KRTAP4-6: variants seen among roughly 807,000 people sequenced by gnomAD.
KRTAP4-6 encodes keratin-associated protein 4-6.
In KRTAP4-6, 1 loss-of-function variant was observed where a neutral mutation model predicts 3.6. That is an observed-to-expected ratio of 0.28 (90% CI 0.10 to 1.32). KRTAP4-6 has a LOEUF of 1.32. Ranked by LOEUF, KRTAP4-6 falls within the 40% of genes most tolerant of loss-of-function variation. The pLI is 0.45. For missense variants in KRTAP4-6, 275 were observed against 280.3 expected, an observed-to-expected ratio of 0.98 and a Z score of 0.14; for synonymous variants, 97 against 96.7, an observed-to-expected ratio of 1.00 and a Z score of -0.02.
At chr17:41,139,818 T>C in exon 1 of KRTAP4-6, 1 of 1,533,456 alleles carries the variant, frequency 6.5e-7, no homozygotes, top group Non-Finnish European at 8.8e-7. Context: ...GCACAAGGTC[T>C]GCTTCTGTGA....
rs531460922 is a variant in KRTAP4-6, at chr17:41,140,313, T to G, written c.175A>C (p.Thr59Pro). Residue 59 changes from threonine (T) to proline (P), a missense_variant, in exon 1 of 1, where the codon ACC becomes CCC. Coordinates refer to ENST00000345847, the Ensembl canonical transcript of KRTAP4-6. ...GGACAGCAGCTGGGACGGCAGCAGGTGGGCTGGCAGCACACAGACTGGCAG... is the reference window on the plus strand; with the variant it reads ...GGACAGCAGCTGGGACGGCAGCAGGGGGGCTGGCAGCACACAGACTGGCAG... The G allele has an allele frequency of 5.6e-6, 9 of 1,604,036 alleles. No homozygotes were observed. The African/African-American group carries it at 1.3e-4, about 23-fold the overall frequency.
exon 1 of KRTAP4-6, chr17:41,140,074 G>A (rs1420580748): frequency 7.7e-6 from 12 of 1,555,380 alleles, no homozygotes; most frequent in African/African-American, 2.7e-5. Context: ...GACGGCAGCA[G>A]GTTGGCTGGC....
exon 1 of KRTAP4-6, chr17:41,139,715 T>C: frequency 8.9e-7 from 1 of 1,120,526 alleles, no homozygotes; most frequent in Non-Finnish European, 1.3e-6. Flanking sequence ...ACATATATTC[T>C]AGATGTATAG....
chr17:41,140,059 G>C (rs766287088), exon 1 of KRTAP4-6: 1 of 1,602,162 alleles, frequency 6.2e-7, no homozygotes. Context: ...AGATGCAGCA[G>C]CTGGGACGGC....
exon 1 of KRTAP4-6, chr17:41,139,997 C>A (rs1479767197): frequency 6.3e-7 from 1 of 1,594,612 alleles, no homozygotes; most frequent in Admixed American, 1.7e-5. Flanking sequence ...GGGGCGGCAG[C>A]AGCACGGGCG....
At position 41,140,468 on chromosome 17, in the gene KRTAP4-6, C is replaced by G. The variant is rs766819864; in HGVS notation, c.20G>C (p.Gly7Ala). 6 of 1,613,382 alleles carry G rather than the reference C, an allele frequency of 3.7e-6. No individual in the cohort carries two copies. Among genetic ancestry groups the G allele is most frequent in the Admixed American group, 1.7e-5 (1 of 59,996 alleles). Residue 7 changes from glycine to alanine, a missense_variant, in exon 1 of 1, where the codon GGT becomes GCT. Transcript: ENST00000345847. ...ACAGCCCTGGTCAGAGCAGACGGAA[C>G]CACAACAGGAGCTGACCATGGTGTC...
At chr17:41,140,512 G>A (rs2014684155), upstream of KRTAP4-6, 1 of 1,592,876 alleles carries the variant, frequency 6.3e-7, no homozygotes, top group Non-Finnish European at 8.6e-7. Flanking sequence ...AAGGTTCTGG[G>A]TGGGTTTCCA....
exon 1 of KRTAP4-6, chr17:41,140,416 G>A: frequency 1.2e-6 from 2 of 1,613,992 alleles, no homozygotes; most frequent in Non-Finnish European, 1.7e-6. Flanking sequence ...TCTGACAGCA[G>A]CTGGGGCGGC....
exon 1 of KRTAP4-6, chr17:41,140,387 G>T (rs767923077): frequency 6.2e-7 from 1 of 1,613,628 alleles, no homozygotes; most frequent in African/African-American, 1.3e-5. Flanking sequence ...GCGGCAGCAG[G>T]TGGTCCTGCA....
exon 1 of KRTAP4-6, chr17:41,139,859 A>C (rs774942332): frequency 1.3e-4 from 206 of 1,565,554 alleles, no homozygotes; most frequent in Non-Finnish European, 1.7e-4. Flanking sequence ...AGATAGTTTC[A>C]GGCAAGGAGC....
At chr17:41,140,010 A>C in exon 1 of KRTAP4-6, 1 of 1,600,270 alleles carries the variant, frequency 6.2e-7, no homozygotes, top group Non-Finnish European at 8.6e-7. Context: ...CACGGGCGGC[A>C]GCAGCTGGAT....
chr17:41,139,630 G>T, exon 1 of KRTAP4-6: 3 of 662,000 alleles, frequency 4.5e-6, no homozygotes, highest in East Asian at 5.7e-5. Context: ...CAAATATAAG[G>T]TATAAAATTT....
chr17:41,139,798 T>A lies in KRTAP4-6; in HGVS notation c.*72A>T, dbSNP rs989481093. On this transcript the variant is annotated 3_prime_UTR_variant, in exon 1 of 1. Coordinates refer to ENST00000345847, the Ensembl canonical transcript of KRTAP4-6. ...GGTGGGAATGGCCTCTTCTGAGTTG[T>A]TTATGAGATGCACAAGGTCTGCTTC... 4.4e-5 allele frequency: 66 copies of A among 1,516,874 alleles called. No homozygotes were observed. In the African/African-American group the frequency reaches 8.3e-4, roughly 19 times the overall value. The allele number at this position is 1,516,874 out of a possible 1,614,324, so 94.0% of individuals were successfully genotyped here.
chr17:41,140,498 G>A (rs752348622), upstream of KRTAP4-6: 3 of 1,604,770 alleles, frequency 1.9e-6, no homozygotes, highest in East Asian at 4.5e-5. Context: ...GGTGTCAGAG[G>A]GTAAAGGTTC....
exon 1 of KRTAP4-6, chr17:41,139,788 T>C: frequency 4.6e-6 from 7 of 1,507,972 alleles, no homozygotes; most frequent in Non-Finnish European, 6.2e-6. Context: ...GAATGGCCTC[T>C]TCTGAGTTGT....
In KRTAP4-6 at chr17:41,140,461, G is replaced by T. The variant is rs774507289; in HGVS notation, c.27C>A (p.Val9=). 1.9e-6 allele frequency: 3 copies of T among 1,613,658 alleles called. No homozygotes were observed. The East Asian group carries it at 6.7e-5, about 36-fold the overall frequency. Residue 9 remains valine (V), a synonymous_variant, in exon 1 of 1, where the codon GTC becomes GTA. Transcript: ENST00000345847. ...CCAGGCCACAGCCCTGGTCAGAGCA[G>T]ACGGAACCACAACAGGAGCTGACCA...
rs567238473 is a variant in KRTAP4-6 at position 41,140,304 on chromosome 17, G to A, written c.184C>T (p.Arg62Cys). 4.4e-5 allele frequency: 71 copies of A among 1,603,886 alleles called. No homozygotes were observed. In the Middle Eastern group the frequency reaches 5.0e-4, roughly 11 times the overall value. The change falls in exon 1 of 1, where the codon CGT becomes TGT. Residue 62 changes from arginine (R) to cysteine (C), a missense_variant. Transcript: ENST00000345847. ...CAGCAGCTGGGACAGCAGCTGGGAC[G>A]GCAGCAGGTGGGCTGGCAGCACACA...
exon 1 of KRTAP4-6, chr17:41,139,607 G>T: frequency 1.7e-6 from 1 of 578,316 alleles, no homozygotes; most frequent in Non-Finnish European, 2.9e-6. Context: ...GAAGAACTTG[G>T]TATCCATAAA....
exon 1 of KRTAP4-6, chr17:41,140,087 C>G: frequency 6.8e-7 from 1 of 1,460,544 alleles, no homozygotes; most frequent in East Asian, 2.6e-5. Context: ...TGGCTGGCAG[C>G]ACACAGACTG....
Sources: gnomAD v4.1 joint callset for allele counts on GRCh38, gnomAD v4.1.1 for gene constraint, MANE v1.5 for transcripts, NCBI Gene and HGNC (gene_info 2026-07-23, HGNC 2026-07-21) for gene names.